MPHOSPH8: variants seen among roughly 807,000 people sequenced by gnomAD.
MPHOSPH8 encodes the protein M-phase phosphoprotein, mpp.
MPHOSPH8 carries 45 observed loss-of-function variants against 87.3 expected under a neutral mutation model. The ratio of observed to expected loss-of-function variants is 0.52; its 90% CI spans 0.41 to 0.66. The LOEUF (loss-of-function observed/expected upper bound fraction) is 0.66, where lower values mean the gene tolerates loss of function less well. Ranked by LOEUF, MPHOSPH8 falls within the 30% of genes least tolerant of loss-of-function variation. The pLI, the probability that MPHOSPH8 is intolerant of heterozygous loss-of-function variation, is 0.00. For missense variants in MPHOSPH8, 883 were observed against 1,020.2 expected, an observed-to-expected ratio of 0.87 and a Z score of 1.83; for synonymous variants, 366 against 376.9, an observed-to-expected ratio of 0.97 and a Z score of 0.33.
Position 19,646,824 on chromosome 13 carries a change from AAAAC to A in MPHOSPH8, c.755_758del (p.Thr252LysfsTer62). The A allele has an allele frequency of 6.3e-7, 1 of 1,597,128 alleles. No homozygotes were observed. The highest frequency in any genetic ancestry group is 8.5e-7 in the Non-Finnish European group (1 of 1,176,100). On this transcript the variant is annotated frameshift_variant, in exon 3 of 14. Coordinates refer to ENST00000361479, the MANE Select transcript of MPHOSPH8 (RefSeq NM_017520.4). LOFTEE classifies it high-confidence loss of function. ...AAGAGAAGATCCCAAAGAAAATAGA[AAAAC>A]AAAAAAAGAAAAATTTGTCGAATCC...
At position 19,647,046 on chromosome 13, in the gene MPHOSPH8, G is replaced by A. The variant is rs150644808; in HGVS notation, c.973G>A (p.Asp325Asn). 173 of 1,607,024 alleles carry A rather than the reference G, an allele frequency of 1.1e-4. 1 individual carries two copies. In the African/African-American group the frequency reaches 2.1e-3, roughly 19 times the overall value. Reference protein sequence around the residue: ...DSAMSAEEDTDVRGRRKKKTP... With the variant: ...DSAMSAEEDTNVRGRRKKKTP... Reference sequence around the variant, plus strand: ...TGCCATGAGTGCTGAGGAGGATACCGATGTCAGAGGCAGGAGGAAAAAGAA... The same window carrying A: ...TGCCATGAGTGCTGAGGAGGATACCAATGTCAGAGGCAGGAGGAAAAAGAA... Residue 325 changes from aspartate to asparagine, a missense_variant, in exon 3 of 14, where the codon GAT becomes AAT. Asp to Asn is a conservative substitution (Grantham distance 23, BLOSUM62 1). Transcript: ENST00000361479.
intron 8 of MPHOSPH8, among the ~76,000 whole-genome samples, chr13:19,662,777 C>G (rs1339624178): frequency 6.6e-6 from 1 of 152,048 alleles, no homozygotes; most frequent in Non-Finnish European, 1.5e-5. Flanking sequence ...CATATATTAT[C>G]TTTTTAAAGG....
intron 8 of MPHOSPH8, among the ~76,000 whole-genome samples, chr13:19,662,718 T>G (rs538282271): frequency 3.5e-4 from 53 of 152,266 alleles, no homozygotes; most frequent in Non-Finnish European, 7.1e-4. Flanking sequence ...TTTTTTTGAA[T>G]AAATGGTATT....
chr13:19,663,122 T>TG lies in MPHOSPH8; in HGVS notation c.2016dup (p.Lys673GlufsTer4). ...CAAAGCAATGGTGAGACTGCACTGATGAAGGTAAATCCCTCCTGCAGGTCA... is the reference window on the plus strand; with the variant it reads ...CAAAGCAATGGTGAGACTGCACTGATGGAAGGTAAATCCCTCCTGCAGGTCA... On this transcript the variant is annotated frameshift_variant, in exon 9 of 14. Transcript: ENST00000361479. LOFTEE classifies it high-confidence loss of function. 1.2e-6 allele frequency: 2 copies of TG among 1,612,614 alleles called. No individual in the cohort carries two copies. Among genetic ancestry groups the TG allele is most frequent in the Non-Finnish European group, 1.7e-6 (2 of 1,178,636 alleles).
intron 1 of MPHOSPH8, among the ~76,000 whole-genome samples, chr13:19,639,726 G>A (rs1234350316): frequency 1.3e-5 from 2 of 152,154 alleles, no homozygotes; most frequent in South Asian, 2.1e-4. Context: ...GAAAAAGAAG[G>A]TGATTAAAAT....
chr13:19,641,552 G>T (rs1037019624), intron 1 of MPHOSPH8, among the ~76,000 whole-genome samples: 3 of 142,200 alleles, frequency 2.1e-5, no homozygotes, highest in African/African-American at 8.1e-5. Context: ...GTGCAATGGC[G>T]TGTGATCTTG....
intron 7 of MPHOSPH8, 66 bp from the exon 8 acceptor site, chr13:19,661,632 A>G (rs1875532032): frequency 6.8e-7 from 1 of 1,476,482 alleles, no homozygotes; most frequent in East Asian, 2.4e-5. Context: ...CTCGAGTGAG[A>G]AGACTTGGTT....
intron 2 of MPHOSPH8, among the ~76,000 whole-genome samples, chr13:19,644,657 G>T (rs564306595): frequency 6.6e-6 from 1 of 152,358 alleles, no homozygotes; most frequent in African/African-American, 2.4e-5. Flanking sequence ...TCTGTGGTAG[G>T]AAGGCTCTTG....
At position 19,633,675 on chromosome 13, in the gene MPHOSPH8, G is replaced by T; in HGVS notation, c.-74G>T. On this transcript the variant is annotated 5_prime_UTR_variant, in exon 1 of 14. The change creates a premature stop within an existing upstream ORF in the 5' untranslated region. Transcript: ENST00000361479. ...TACGCCGCTGATGTGGAGTAGGGCCGAGCGCGGAACGCGAGGGGCTGCTGG... is the reference window on the plus strand; with the variant it reads ...TACGCCGCTGATGTGGAGTAGGGCCTAGCGCGGAACGCGAGGGGCTGCTGG... 2 of 1,504,192 alleles carry T rather than the reference G, an allele frequency of 1.3e-6. No individual in the cohort carries two copies. The highest frequency in any genetic ancestry group is 1.2e-5 in the South Asian group (1 of 82,752). The allele number at this position is 1,504,192 out of a possible 1,614,324, so 93.2% of individuals were successfully genotyped here. A position where few individuals can be genotyped will look rare whatever the true frequency, so the allele number is the denominator to read the frequency against.
In MPHOSPH8 at chr13:19,673,131, C is replaced by CTTG. The variant is rs1876248481; in HGVS notation, c.*1259_*1261dup. ...TTTTTGAAAAGCCAGACCTTGTGCC[C>CTTG]TTGTTTTGAACACCGACTGGGAAGA... On this transcript the variant is annotated 3_prime_UTR_variant, in exon 14 of 14. Transcript: ENST00000361479. 2.2e-6 allele frequency: 1 copy of CTTG among 450,742 alleles called. No individual in the cohort carries two copies. The highest frequency in any genetic ancestry group is 2.0e-5 in the African/African-American group (1 of 48,988). 27.9% of individuals were successfully genotyped at this position (450,742 alleles called of 1,614,324 possible).
intron 12 of MPHOSPH8, 92 bp from the exon 13 acceptor site, chr13:19,671,114 A>G (rs1876102607): frequency 1.3e-6 from 2 of 1,510,860 alleles, no homozygotes; most frequent in South Asian, 2.6e-5. Context: ...AAAAAATAAA[A>G]CTTATTTATG....
chr13:19,654,091 C>G (rs376770417), intron 5 of MPHOSPH8, among the ~76,000 whole-genome samples: 9 of 152,202 alleles, frequency 5.9e-5, no homozygotes, highest in Non-Finnish European at 4.4e-5. Flanking sequence ...AGAGCATCCC[C>G]AAGACGTAAT....
intron 5 of MPHOSPH8, among the ~76,000 whole-genome samples, chr13:19,657,397 C>CA (rs1416480727): frequency 6.7e-6 from 1 of 149,118 alleles, no homozygotes; most frequent in East Asian, 2.0e-4. Flanking sequence ...TTTGCATGAG[C>CA]AAAAAAATAG....
chr13:19,639,842 T>C (rs2137498790), intron 1 of MPHOSPH8, among the ~76,000 whole-genome samples: 1 of 152,238 alleles, frequency 6.6e-6, no homozygotes, highest in South Asian at 2.1e-4. Flanking sequence ...CAGAGGCTCA[T>C]GCCTGTAATC....
At chr13:19,667,225 A>AT (rs1472445122) in intron 10 of MPHOSPH8, among the ~76,000 whole-genome samples, 1 of 152,070 alleles carries the variant, frequency 6.6e-6, no homozygotes, top group Admixed American at 6.6e-5. Flanking sequence ...AATAGACTTT[A>AT]TTTTTTGCAA....
At chr13:19,666,333 T>A in intron 9 of MPHOSPH8, 92 bp from the exon 10 acceptor site, 1 of 1,347,430 alleles carries the variant, frequency 7.4e-7, no homozygotes, top group Non-Finnish European at 1.0e-6. Flanking sequence ...TGCCCTCTCT[T>A]CACAGAACCG....
At chr13:19,657,405 T>C (rs1875248470) in intron 5 of MPHOSPH8, among the ~76,000 whole-genome samples, 1 of 150,388 alleles carries the variant, frequency 6.6e-6, no homozygotes, top group South Asian at 2.1e-4. Flanking sequence ...AGCAAAAAAA[T>C]AGCTTTTTTT....
chr13:19,662,347 A>T (rs1875587791), intron 8 of MPHOSPH8, among the ~76,000 whole-genome samples: 1 of 151,866 alleles, frequency 6.6e-6, no homozygotes, highest in Non-Finnish European at 1.5e-5. Context: ...GTAGCTTCAA[A>T]CTCCTGGACT....
chr13:19,633,907 G>C lies in MPHOSPH8; in HGVS notation c.159G>C (p.Glu53Asp). The change falls in exon 1 of 14, where the codon GAG becomes GAC. Residue 53 changes from glutamate (E) to aspartate (D), a missense_variant. Glu to Asp is a conservative substitution (Grantham distance 45). Around this residue, in one of 3 missense-constraint regions of MPHOSPH8, gnomAD observed 103 missense variants for 96.3 expected, o/e 1.07. Transcript: ENST00000361479. ...CGGAGGCCTTTGGCGACAGTGAGGA[G>C]GACGGAGAGGATGTGTTCGAGGTGG... Reference protein sequence around the residue: ...RGAEAFGDSEEDGEDVFEVEK... With the variant: ...RGAEAFGDSEDDGEDVFEVEK... 1 of 1,611,696 alleles carries C rather than the reference G, an allele frequency of 6.2e-7. No homozygotes were observed. Among genetic ancestry groups the C allele is most frequent in the Non-Finnish European group, 8.5e-7 (1 of 1,179,326 alleles).
Sources: allele counts gnomAD v4.1 joint callset (sites outside exome capture counted in the v4.1 genomes callset), GRCh38; gene constraint gnomAD v4.1.1; regional missense constraint gnomAD v4.1.1; transcripts MANE v1.5; gene names NCBI Gene and HGNC (gene_info 2026-07-23, HGNC 2026-07-21).